Variants in EXOC6B observed in about 807,000 individuals in gnomAD.
EXOC6B encodes SEC15 homolog B.
A neutral mutation model predicts 113.5 loss-of-function variants in EXOC6B; 54 were observed. That is an observed-to-expected ratio of 0.48 (90% confidence interval 0.38 to 0.60). The LOEUF is 0.60. Ranked by LOEUF, EXOC6B falls within the 20% of genes least tolerant of loss-of-function variation. The pLI, the probability that EXOC6B is intolerant of heterozygous loss-of-function variation, is 0.00. For synonymous variants in EXOC6B, 357 were observed against 339.0 expected (o/e 1.05, Z -0.58); for missense variants, 797 against 977.5 (o/e 0.82, Z 2.46).
At chr2:72,779,456 T>G (rs905504509) in intron 1 of EXOC6B, among the ~76,000 whole-genome samples, 8 of 152,114 alleles carry the variant, frequency 5.3e-5, no homozygotes, top group Non-Finnish European at 1.0e-4. Flanking sequence ...GAAAACATGT[T>G]CAAAATGTAA....
rs776436926 is a variant in EXOC6B, at chr2:72,733,124, G to A, written c.280-6C>T. ...TTAGTATCCGTCACTTGATTCTGTG[G>A]AGAGAAGACAATTTAAACTCATAAA... On this transcript the variant is annotated splice_polypyrimidine_tract_variant and splice_region_variant and intron_variant, in intron 2 of 21. Transcript: ENST00000272427. 7 of 1,581,648 alleles carry A rather than the reference G, an allele frequency of 4.4e-6. No homozygotes were observed. Among genetic ancestry groups the A allele is most frequent in the Non-Finnish European group, 6.0e-6 (7 of 1,159,266 alleles).
At chr2:72,472,305 T>C (rs1558703364) in intron 17 of EXOC6B, among the ~76,000 whole-genome samples, 1 of 152,182 alleles carries the variant, frequency 6.6e-6, no homozygotes, top group Non-Finnish European at 1.5e-5. Context: ...CTTATATGTT[T>C]GGTGGAATTT....
At chr2:72,455,161 T>A (rs937148284) in intron 18 of EXOC6B, among the ~76,000 whole-genome samples, 5 of 152,164 alleles carry the variant, frequency 3.3e-5, no homozygotes, top group African/African-American at 1.2e-4. Flanking sequence ...TAGCCCTTTT[T>A]AAGGACACCT....
chr2:72,214,057 C>A (rs1680350326), intron 20 of EXOC6B, among the ~76,000 whole-genome samples: 1 of 152,138 alleles, frequency 6.6e-6, no homozygotes, highest in Non-Finnish European at 1.5e-5. Context: ...TTCTGCCCAC[C>A]ACCCCATAAA....
At chr2:72,586,805 G>A (rs762734404) in intron 6 of EXOC6B, among the ~76,000 whole-genome samples, 9 of 150,748 alleles carry the variant, frequency 6.0e-5, no homozygotes, top group African/African-American at 1.5e-4. Context: ...ACAAAAATAC[G>A]AAAAAATGCT....
rs1382421632 is a variant in EXOC6B, at chr2:72,820,306, C to T, written c.113+5492G>A. Reference sequence around the variant, plus strand: ...AGAAGGAAAAGCACCAAAACAACAGCAGCTGTGTTATAGAATTGTAAGCAA... The same window carrying T: ...AGAAGGAAAAGCACCAAAACAACAGTAGCTGTGTTATAGAATTGTAAGCAA... On this transcript the variant is annotated intron_variant, in intron 1 of 21. Transcript: ENST00000272427. Among the ~76,000 whole-genome samples, 4 of 152,086 alleles carry T rather than the reference C, an allele frequency of 2.6e-5. No individual in the cohort carries two copies. In the East Asian group the frequency reaches 7.7e-4, roughly 29 times the overall value.
chr2:72,215,463 C>A (rs1485990282), intron 20 of EXOC6B, among the ~76,000 whole-genome samples: 1 of 152,130 alleles, frequency 6.6e-6, no homozygotes, highest in East Asian at 1.9e-4. Context: ...AGAAAGAAAT[C>A]GTTATGATCA....
intron 19 of EXOC6B, 143 bp downstream of exon 19, chr2:72,379,586 A>T: frequency 1.4e-6 from 1 of 721,618 alleles, no homozygotes; most frequent in African/African-American, 1.8e-5. Context: ...CTATTTCTAG[A>T]TGTTCTATAA....
chr2:72,715,726 T>A (rs1679571060), intron 6 of EXOC6B, among the ~76,000 whole-genome samples: 2 of 152,182 alleles, frequency 1.3e-5, no homozygotes, highest in South Asian at 4.1e-4. Flanking sequence ...AGTTATTTTA[T>A]TCTAGCTTCT....
intron 20 of EXOC6B, among the ~76,000 whole-genome samples, chr2:72,310,084 C>T (rs191549583): frequency 3.3e-5 from 5 of 152,234 alleles, no homozygotes; most frequent in Non-Finnish European, 7.4e-5. Flanking sequence ...TGGTGAACAG[C>T]GCTGCTATAA....
chr2:72,687,137 CAA>C (rs60068783), intron 6 of EXOC6B, among the ~76,000 whole-genome samples: 11 of 125,498 alleles, frequency 8.8e-5, no homozygotes, highest in African/African-American at 1.6e-4. Flanking sequence ...GACTGTGTCT[CAA>C]AAAAAAAAAA....
intron 18 of EXOC6B, among the ~76,000 whole-genome samples, chr2:72,441,410 G>T (rs1405218470): frequency 6.6e-6 from 1 of 151,312 alleles, no homozygotes; most frequent in African/African-American, 2.4e-5. Context: ...TGAACTGAAA[G>T]AGATAGAGAA....
At chr2:72,225,373 T>C (rs1252613292) in intron 20 of EXOC6B, among the ~76,000 whole-genome samples, 3 of 152,214 alleles carry the variant, frequency 2.0e-5, no homozygotes, top group Admixed American at 2.0e-4. Context: ...GGCTAAGTTC[T>C]TTGCAGACAT....
At chr2:72,684,772 T>C (rs1296293019) in intron 6 of EXOC6B, among the ~76,000 whole-genome samples, 3 of 152,052 alleles carry the variant, frequency 2.0e-5, no homozygotes, top group African/African-American at 4.8e-5. Flanking sequence ...AACTAATCTA[T>C]AGTGGAAAAA....
intron 18 of EXOC6B, among the ~76,000 whole-genome samples, chr2:72,446,746 C>G (rs1029824610): frequency 6.6e-6 from 1 of 152,114 alleles, no homozygotes; most frequent in Non-Finnish European, 1.5e-5. Context: ...ACATAACAAA[C>G]CTGCACATAT....
chr2:72,561,680 T>C (rs1409724783), intron 7 of EXOC6B, among the ~76,000 whole-genome samples: 2 of 152,142 alleles, frequency 1.3e-5, no homozygotes, highest in East Asian at 1.9e-4. Flanking sequence ...TTGTTACTAA[T>C]GGGCTAAGAC....
chr2:72,306,730 A>G (rs1417631538), intron 20 of EXOC6B, among the ~76,000 whole-genome samples: 1 of 152,130 alleles, frequency 6.6e-6, no homozygotes, highest in Non-Finnish European at 1.5e-5. Flanking sequence ...AACCCTGGCA[A>G]TTTACTCAAT....
intron 6 of EXOC6B, among the ~76,000 whole-genome samples, chr2:72,706,422 T>C (rs1678883573): frequency 1.3e-5 from 2 of 152,162 alleles, no homozygotes; most frequent in South Asian, 4.2e-4. Context: ...CCAGCGGCAG[T>C]GCAGTGGGTG....
chr2:72,454,262 G>A (rs533000549), intron 18 of EXOC6B, among the ~76,000 whole-genome samples: 25 of 152,150 alleles, frequency 1.6e-4, no homozygotes, highest in East Asian at 1.2e-3. Context: ...CTAGCACTGC[G>A]GGAGGCCAAG....
Sources: gnomAD v4.1 joint callset for allele counts (sites outside exome capture counted in the v4.1 genomes callset) on GRCh38, gnomAD v4.1.1 for gene constraint, MANE v1.5 for transcripts, NCBI Gene and HGNC (gene_info 2026-07-23, HGNC 2026-07-21) for gene names.